The following NR2C2 variants were observed in gnomAD, a reference collection of about 807,000 sequenced individuals.
NR2C2 encodes Nuclear hormone receptor TR4.
NR2C2 carries 6 observed loss-of-function variants against 62.9 expected under a neutral mutation model. That is an observed-to-expected ratio of 0.10 (90% CI 0.05 to 0.19). NR2C2 has a LOEUF of 0.19. NR2C2 is among the 10% of genes least tolerant of loss of function. The probability of loss-of-function intolerance (pLI) is 1.00; values close to 1 mark genes in which losing one functional copy is unlikely to be tolerated. For missense variants in NR2C2, 479 were observed against 762.7 expected (o/e 0.63, Z 4.38); for synonymous variants, 272 against 273.8 (o/e 0.99, Z 0.07).
chr3:14,983,677 A>G (rs1430950174), intron 1 of NR2C2, among the ~76,000 whole-genome samples: 1 of 152,200 alleles, frequency 6.6e-6, no homozygotes, highest in Non-Finnish European at 1.5e-5. Context: ...AAATGCTTAT[A>G]GAACACACCA....
At chr3:14,965,090 A>G (rs13314925) in intron 1 of NR2C2, among the ~76,000 whole-genome samples, 9,101 of 152,258 alleles carry the variant, frequency 0.06, 946 homozygotes, top group African/African-American at 0.21. Context: ...CCATGCAGAC[A>G]TGGGGAGAAC....
At chr3:14,995,668 C>CGTGTGTGTGTGTGTGTGT (rs58878848) in intron 1 of NR2C2, among the ~76,000 whole-genome samples, 4,381 of 148,550 alleles carry the variant, frequency 0.029, 77 homozygotes, top group South Asian at 0.036. Flanking sequence ...GTTTTCATTA[C>CGTGTGTGTGTGTGTGTGT]GTGTGTGTGT....
chr3:15,013,471 A>G, intron 2 of NR2C2, 118 bp from the exon 3 acceptor site: 1 of 791,734 alleles, frequency 1.3e-6, no homozygotes, highest in South Asian at 1.6e-5. Flanking sequence ...GTGAAAATGC[A>G]TGTTAGACAG....
At chr3:14,968,247 A>G (rs1306544325) in intron 1 of NR2C2, among the ~76,000 whole-genome samples, 1 of 152,220 alleles carries the variant, frequency 6.6e-6, no homozygotes, top group Admixed American at 6.5e-5. Context: ...CATCTGACAA[A>G]GGGCTAATAT....
At chr3:14,965,091 T>C (rs1399349023) in intron 1 of NR2C2, among the ~76,000 whole-genome samples, 1 of 152,196 alleles carries the variant, frequency 6.6e-6, no homozygotes, top group Non-Finnish European at 1.5e-5. Context: ...CATGCAGACA[T>C]GGGGAGAACA....
At chr3:14,948,903 C>T (rs1229693404) in intron 1 of NR2C2, among the ~76,000 whole-genome samples, 1 of 152,146 alleles carries the variant, frequency 6.6e-6, no homozygotes, top group East Asian at 1.9e-4. Context: ...GCCGGACCTC[C>T]CTTCTGAGCA....
At chr3:15,040,899 A>T (rs1216120956) in intron 13 of NR2C2, among the ~76,000 whole-genome samples, 3 of 152,206 alleles carry the variant, frequency 2.0e-5, no homozygotes, top group African/African-American at 4.8e-5. Flanking sequence ...CACAGTTCCC[A>T]TGGCCAAAAG....
intron 1 of NR2C2, among the ~76,000 whole-genome samples, chr3:14,954,842 G>A (rs987707793): frequency 1.3e-5 from 2 of 151,576 alleles, no homozygotes; most frequent in African/African-American, 4.8e-5. Context: ...GCCTTTTTTT[G>A]TTTTTTGAGA....
chr3:14,990,904 A>G (rs2040652127), intron 1 of NR2C2, among the ~76,000 whole-genome samples: 1 of 152,204 alleles, frequency 6.6e-6, no homozygotes, highest in Non-Finnish European at 1.5e-5. Flanking sequence ...ATCGTTTCTT[A>G]ATAGGAACTT....
At chr3:15,021,914 AT>A (rs748435790) in intron 5 of NR2C2, among the ~76,000 whole-genome samples, 3 of 152,228 alleles carry the variant, frequency 2.0e-5, no homozygotes, top group Non-Finnish European at 4.4e-5. Context: ...GCCTGGTGTG[AT>A]GTTTTTATTT....
chr3:14,983,107 T>C (rs551354942), intron 1 of NR2C2, among the ~76,000 whole-genome samples: 11 of 152,234 alleles, frequency 7.2e-5, no homozygotes, highest in Non-Finnish European at 1.2e-4. Context: ...TTTCTTTGTG[T>C]TATGAACATT....
intron 1 of NR2C2, among the ~76,000 whole-genome samples, chr3:14,961,788 T>C (rs1200785099): frequency 6.6e-6 from 1 of 152,248 alleles, no homozygotes; most frequent in East Asian, 1.9e-4. Context: ...AGCCGAATTA[T>C]CTGGTTTTGT....
chr3:14,957,272 C>T (rs113910086), intron 1 of NR2C2, among the ~76,000 whole-genome samples: 3 of 152,086 alleles, frequency 2.0e-5, no homozygotes, highest in African/African-American at 7.2e-5. Flanking sequence ...TTAATGAAGG[C>T]AGCGTCTCCT....
At position 15,044,936 on chromosome 3, in the gene NR2C2, A is replaced by G. The variant is rs1351544054; in HGVS notation, c.*1928A>G. On this transcript the variant is annotated 3_prime_UTR_variant, in exon 14 of 14. Transcript: ENST00000425241. The stretch of plus-strand genomic sequence containing the variant: ...TGTTTGGATTTAATTATATCATTTT[A>G]TAATTCTTGCCTTGGCAGCAAATTT... 1 of 152,270 alleles carries G rather than the reference A, an allele frequency of 6.6e-6. No individual in the cohort carries two copies. Among genetic ancestry groups the G allele is most frequent in the Non-Finnish European group, 1.5e-5 (1 of 68,046 alleles). The allele number at this position is 152,270 out of a possible 1,614,324, so 9.4% of individuals were successfully genotyped here. A position where few individuals can be genotyped will look rare whatever the true frequency, so the allele number is the denominator to read the frequency against.
chr3:14,965,141 C>CT (rs199709417), intron 1 of NR2C2, among the ~76,000 whole-genome samples: 2,403 of 152,260 alleles, frequency 0.016, 66 homozygotes, highest in African/African-American at 0.054. Context: ...CCTGGAATCA[C>CT]TTTTTTTCTC....
At chr3:15,036,555 T>C (rs1470769488) in intron 11 of NR2C2, among the ~76,000 whole-genome samples, 4 of 152,144 alleles carry the variant, frequency 2.6e-5, no homozygotes, top group African/African-American at 9.7e-5. Context: ...GCAGTAGCAA[T>C]CATAGCTCAC....
At chr3:15,031,294 C>G (rs1388251560) in intron 9 of NR2C2, among the ~76,000 whole-genome samples, 1 of 152,138 alleles carries the variant, frequency 6.6e-6, no homozygotes, top group African/African-American at 2.4e-5. Context: ...ACTTTTTCTA[C>G]AGGACACTCA....
At chr3:14,949,756 G>GTTTT (rs2039288351) in intron 1 of NR2C2, among the ~76,000 whole-genome samples, 1 of 151,996 alleles carries the variant, frequency 6.6e-6, no homozygotes, top group African/African-American at 2.4e-5. Flanking sequence ...ATGTGAATAT[G>GTTTT]ATTTATTTAT....
Position 14,973,851 on chromosome 3 carries a change from T to C in NR2C2, c.-40+25945T>C, listed in dbSNP as rs560870073. Among the ~76,000 whole-genome samples, 10 of 152,260 alleles carry C rather than the reference T, an allele frequency of 6.6e-5. No homozygotes were observed. In the East Asian group the frequency reaches 1.3e-3, roughly 21 times the overall value. ...GTTTTTAAGTACGGATGTTCCTTGGTTTACAGTGGAGCTGCATCCAGGTAA... is the reference window on the plus strand; with the variant it reads ...GTTTTTAAGTACGGATGTTCCTTGGCTTACAGTGGAGCTGCATCCAGGTAA... On this transcript the variant is annotated intron_variant, in intron 1 of 13. Transcript: ENST00000425241.
Sources: allele counts gnomAD v4.1 joint callset (sites outside exome capture counted in the v4.1 genomes callset), GRCh38; gene constraint gnomAD v4.1.1; transcripts MANE v1.5; gene names NCBI Gene and HGNC (gene_info 2026-07-23, HGNC 2026-07-21).